FAM234A: variants seen among roughly 807,000 people sequenced by gnomAD.
FAM234A encodes the protein family with sequence similarity 234 member A, also known as protein FAM234A.
A neutral mutation model predicts 49.1 loss-of-function variants in FAM234A; 42 were observed. The ratio of observed to expected loss-of-function variants is 0.86; its 90% CI spans 0.67 to 1.11. The LOEUF is 1.11. Ranked by LOEUF, FAM234A falls within the 50% of genes least tolerant of loss-of-function variation. The probability of loss-of-function intolerance (pLI) is 0.00; values close to 1 mark genes in which losing one functional copy is unlikely to be tolerated. For synonymous variants in FAM234A, 369 were observed against 316.2 expected, an observed-to-expected ratio of 1.17 and a Z score of -1.77; for missense variants, 815 against 745.2, an observed-to-expected ratio of 1.09 and a Z score of -1.09.
intron 10 of FAM234A, 99 bp downstream of exon 10, chr16:263,874 C>T: frequency 7.2e-7 from 1 of 1,397,504 alleles, no homozygotes; most frequent in Non-Finnish European, 1.0e-6. Flanking sequence ...CTGCTGCCGT[C>T]AGAGCTGCTG....
chr16:251,527 G>A (rs1298381512), intron 2 of FAM234A, among the ~76,000 whole-genome samples: 2 of 151,502 alleles, frequency 1.3e-5, no homozygotes, highest in Non-Finnish European at 2.9e-5. Context: ...GGCGAGCGCC[G>A]CCATACCCAA....
chr16:269,125 A>C (rs1278318256), downstream of FAM234A: 2 of 897,430 alleles, frequency 2.2e-6, no homozygotes, highest in African/African-American at 3.3e-5. Flanking sequence ...TGTGCACCCC[A>C]CAGAAGACTG....
At position 261,475 on chromosome 16, in the gene FAM234A, G is replaced by A; in HGVS notation, c.669G>A (p.Gly223=). ...LLQVPDVDGD[G]APDLLVLTQE... is the part of the protein sequence containing the mutation. Reference sequence around the variant, plus strand: ...AGGTGCCTGATGTGGACGGCGATGGGGCCCCAGACCTGCTGGTTCTCACCC... The same window carrying A: ...AGGTGCCTGATGTGGACGGCGATGGAGCCCCAGACCTGCTGGTTCTCACCC... The change falls in exon 6 of 13, where the codon GGG becomes GGA. Residue 223 remains glycine (G), a synonymous_variant. Coordinates refer to ENST00000399932, the MANE Select transcript of FAM234A (RefSeq NM_032039.4). 1 of 1,612,460 alleles carries A rather than the reference G, an allele frequency of 6.2e-7. No individual in the cohort carries two copies. The highest frequency in any genetic ancestry group is 1.1e-5 in the South Asian group (1 of 90,998).
At chr16:252,185 GTT>G (rs35208632) in intron 2 of FAM234A, among the ~76,000 whole-genome samples, 58 of 119,810 alleles carry the variant, frequency 4.8e-4, no homozygotes, top group African/African-American at 1.6e-3. Flanking sequence ...TCTGTTTTTT[GTT>G]TTTTTTTTTT....
intron 1 of FAM234A, among the ~76,000 whole-genome samples, chr16:243,188 A>G (rs2050680412): frequency 6.6e-6 from 1 of 151,930 alleles, no homozygotes; most frequent in Non-Finnish European, 1.5e-5. Flanking sequence ...CATGTTGCCC[A>G]GACTGGTCTC....
At chr16:238,574 G>A (rs926387737) in intron 1 of FAM234A, among the ~76,000 whole-genome samples, 1 of 151,834 alleles carries the variant, frequency 6.6e-6, no homozygotes, top group African/African-American at 2.4e-5. Context: ...AGACCATCCT[G>A]GCTAACACAG....
intron 2 of FAM234A, among the ~76,000 whole-genome samples, chr16:252,262 A>G (rs2051050480): frequency 6.8e-6 from 1 of 147,892 alleles, no homozygotes; most frequent in Non-Finnish European, 1.5e-5. Flanking sequence ...GCTCACTACA[A>G]CCTCTGCCTC....
At chr16:241,716 G>C (rs1596747091) in intron 1 of FAM234A, among the ~76,000 whole-genome samples, 3 of 152,092 alleles carry the variant, frequency 2.0e-5, no homozygotes, top group East Asian at 1.9e-4. Context: ...AGCAGATCGA[G>C]ACCATCCTGG....
At chr16:253,000 A>G (rs1326013708) in intron 2 of FAM234A, among the ~76,000 whole-genome samples, 1 of 152,220 alleles carries the variant, frequency 6.6e-6, no homozygotes, top group Non-Finnish European at 1.5e-5. Context: ...GTGTTAGGAC[A>G]TCGGTTTGGT....
chr16:261,787 G>A (rs1002189464), intron 6 of FAM234A, among the ~76,000 whole-genome samples: 2 of 152,222 alleles, frequency 1.3e-5, no homozygotes, highest in Non-Finnish European at 2.9e-5. Flanking sequence ...TCTGAGGGCT[G>A]GGAGCACCTG....
chr16:265,439 G>T lies in FAM234A; in HGVS notation c.*417G>T. ...GTAGAAAGAACCAGGGTGTCCCCGG[G>T]ACAGGCCGTCCCCCACCCCATCCTG... On this transcript the variant is annotated 3_prime_UTR_variant, in exon 13 of 13. Coordinates refer to ENST00000399932, the MANE Select transcript of FAM234A (RefSeq NM_032039.4). 1.0e-6 allele frequency: 1 copy of T among 1,000,726 alleles called. No homozygotes were observed. Among genetic ancestry groups the T allele is most frequent in the Non-Finnish European group, 1.2e-6 (1 of 840,562 alleles). The allele number at this position is 1,000,726 out of a possible 1,614,324, so 62.0% of individuals were successfully genotyped here.
At position 236,888 on chromosome 16, in the gene FAM234A, C is replaced by T. The variant is rs370183546; in HGVS notation, c.-140+2031C>T. ...CGCCACTGCACTCCAGCCTGGGCCA[C>T]AGCGAGACTGTCTCAAAAAAATAAA... On this transcript the variant is annotated intron_variant, in intron 1 of 12. Coordinates refer to ENST00000399932, the MANE Select transcript of FAM234A (RefSeq NM_032039.4). Among the ~76,000 whole-genome samples, 4 of 50,220 alleles carry T rather than the reference C, an allele frequency of 8.0e-5. 1 individual carries two copies. The highest frequency in any genetic ancestry group is 2.1e-4 in the African/African-American group (4 of 19,244). 32.9% of individuals were successfully genotyped at this position (50,220 alleles called of 152,430 possible).
At chr16:254,919 A>G (rs1255641153) in intron 3 of FAM234A, among the ~76,000 whole-genome samples, 1 of 152,178 alleles carries the variant, frequency 6.6e-6, no homozygotes, top group Non-Finnish European at 1.5e-5. Context: ...GCACTGGCAC[A>G]ATCTCAGCTC....
downstream of FAM234A, chr16:269,240 G>A (rs771290246): frequency 1.6e-5 from 23 of 1,445,180 alleles, no homozygotes; most frequent in Non-Finnish European, 2.2e-5. Flanking sequence ...TGAGCTGCAG[G>A]GACTAGAGTG....
downstream of FAM234A, chr16:268,357 T>G: frequency 3.7e-6 from 1 of 270,264 alleles, no homozygotes; most frequent in South Asian, 4.5e-5. Flanking sequence ...CTGGACGCTG[T>G]TGGGAGTGAC....
At chr16:269,328 GA>G, downstream of FAM234A, 1 of 1,602,210 alleles carries the variant, frequency 6.2e-7, no homozygotes. Context: ...ACAGGGGTGG[GA>G]AGGAGTGCAG....
At chr16:261,952 CG>C in intron 6 of FAM234A, 140 bp from the exon 7 acceptor site, 1 of 1,194,740 alleles carries the variant, frequency 8.4e-7, no homozygotes, top group Non-Finnish European at 1.2e-6. Context: ...TAGAGTGCCC[CG>C]CCCCCAGGCT....
At chr16:256,828 C>T (rs1401886649) in intron 3 of FAM234A, among the ~76,000 whole-genome samples, 1 of 151,754 alleles carries the variant, frequency 6.6e-6, no homozygotes, top group African/African-American at 2.4e-5. Context: ...CCGTAATCGC[C>T]ACCTCCCAGA....
rs1447902309 is a variant in FAM234A at position 258,781 on chromosome 16, A to AT, written c.269-695dup. Among the ~76,000 whole-genome samples, 3 of 152,070 alleles carry AT rather than the reference A, an allele frequency of 2.0e-5. No individual in the cohort carries two copies. In the East Asian group the frequency reaches 5.8e-4, roughly 29 times the overall value. On this transcript the variant is annotated intron_variant, in intron 3 of 12. Coordinates refer to ENST00000399932, the MANE Select transcript of FAM234A (RefSeq NM_032039.4). ...CGGAGGGGGCAGCTGGGCCCGGCCTATTTTTTTGTTTTTGTTTTTTGAGAT... is the reference window on the plus strand; with the variant it reads ...CGGAGGGGGCAGCTGGGCCCGGCCTATTTTTTTTGTTTTTGTTTTTTGAGAT...
Sources: allele counts gnomAD v4.1 joint callset (sites outside exome capture counted in the v4.1 genomes callset), GRCh38; gene constraint gnomAD v4.1.1; transcripts MANE v1.5; gene names NCBI Gene and HGNC (gene_info 2026-07-23, HGNC 2026-07-21).